GSTCD: variants seen among roughly 807,000 people sequenced by gnomAD.
GSTCD encodes the protein glutathione S-transferase C-terminal domain-containing protein.
A neutral mutation model predicts 68.3 loss-of-function variants in GSTCD; 44 were observed. The observed-to-expected ratio is 0.64, with a 90% CI of 0.51 to 0.83. The LOEUF (loss-of-function observed/expected upper bound fraction) is 0.83. Among genes scored for constraint, GSTCD ranks in the 40% least tolerant of loss-of-function variants. The pLI, the probability that GSTCD is intolerant of heterozygous loss-of-function variation, is 0.00. For synonymous variants in GSTCD, 273 were observed against 255.2 expected, an observed-to-expected ratio of 1.07 and a Z score of -0.67; for missense variants, 739 against 735.9, an observed-to-expected ratio of 1.00 and a Z score of -0.05.
intron 9 of GSTCD, 50 bp downstream of exon 9, chr4:105,834,644 G>T (rs188523484): frequency 7.2e-6 from 11 of 1,534,046 alleles, no homozygotes; most frequent in East Asian, 4.6e-5. Flanking sequence ...TATAAGCCAG[G>T]ACACAAAACT....
chr4:105,775,167 G>A (rs145040525), intron 5 of GSTCD, among the ~76,000 whole-genome samples: 42 of 152,016 alleles, frequency 2.8e-4, no homozygotes, highest in Middle Eastern at 6.8e-3. Flanking sequence ...TTTTTTATGC[G>A]TCACAAAGTT....
chr4:105,741,019 A>G (rs1482056156), intron 5 of GSTCD, among the ~76,000 whole-genome samples: 1 of 152,136 alleles, frequency 6.6e-6, no homozygotes, highest in Non-Finnish European at 1.5e-5. Context: ...TGTTTTTTAG[A>G]TAGAGAATTC....
Position 105,717,973 on chromosome 4 carries a change from C to T in GSTCD, c.360C>T (p.Asp120=). ...RHIIQKSYEA[D]PLKKELLELL... ...TAATCCAGAAATCCTATGAAGCAGA[C>T]CCCTTAAAGAAGGAACTTTTGGAAC... Residue 120 remains aspartate (D), a synonymous_variant, in exon 2 of 12, where the codon GAC becomes GAT. Coordinates refer to ENST00000515279, the MANE Select transcript of GSTCD (RefSeq NM_001370181.1). 2 of 1,613,820 alleles carry T rather than the reference C, an allele frequency of 1.2e-6. No individual in the cohort carries two copies. Among genetic ancestry groups the T allele is most frequent in the South Asian group, 2.2e-5 (2 of 91,022 alleles).
intron 5 of GSTCD, among the ~76,000 whole-genome samples, chr4:105,738,131 A>G (rs1733518058): frequency 6.6e-6 from 1 of 152,226 alleles, no homozygotes; most frequent in Non-Finnish European, 1.5e-5. Context: ...TGTGAACCAA[A>G]TAAACCTCTT....
At chr4:105,814,984 A>G (rs1410593124) in intron 5 of GSTCD, among the ~76,000 whole-genome samples, 1 of 152,190 alleles carries the variant, frequency 6.6e-6, no homozygotes, top group Admixed American at 6.5e-5. Flanking sequence ...AAGTTTAATA[A>G]CCATTCTCTA....
chr4:105,729,353 T>G (rs930148763), intron 4 of GSTCD, 53 bp from the exon 5 acceptor site: 2 of 1,141,000 alleles, frequency 1.8e-6, no homozygotes, highest in African/African-American at 3.1e-5. Flanking sequence ...TTCAATAATA[T>G]AATAAGACTA....
chr4:105,718,673 CA>C (rs1732762000), intron 2 of GSTCD, among the ~76,000 whole-genome samples: 1 of 152,132 alleles, frequency 6.6e-6, no homozygotes, highest in African/African-American at 2.4e-5. Flanking sequence ...AGTTTGGAGA[CA>C]TTTTTAGAAA....
rs560259520 is a variant in GSTCD at position 105,805,384 on chromosome 4, GCTTCC to G, written c.1241-17566_1241-17562del. Among the ~76,000 whole-genome samples, 362 of 152,156 alleles carry G rather than the reference GCTTCC, an allele frequency of 2.4e-3. 1 individual carries two copies. Among genetic ancestry groups the G allele is most frequent in the Non-Finnish European group, 4.1e-3 (282 of 67,980 alleles). ...TCTTGTTTATGAATAAAAGGATTCA[GCTTCC>G]CTTTTATTAAAACTCGAGAAGGCAC... On this transcript the variant is annotated intron_variant, in intron 5 of 11. Transcript: ENST00000515279.
At chr4:105,832,710 G>A (rs1018617016) in intron 8 of GSTCD, among the ~76,000 whole-genome samples, 1 of 152,154 alleles carries the variant, frequency 6.6e-6, no homozygotes, top group Non-Finnish European at 1.5e-5. Context: ...GATGTTGTGA[G>A]CATAGTTCTG....
intron 5 of GSTCD, among the ~76,000 whole-genome samples, chr4:105,743,653 CTTTTT>C (rs777714268): frequency 1.1e-5 from 1 of 88,848 alleles, no homozygotes; most frequent in Non-Finnish European, 2.2e-5. Flanking sequence ...ACAGGACATT[CTTTTT>C]TTTTTTTTTT....
chr4:105,797,243 A>G (rs1370182192), intron 5 of GSTCD, among the ~76,000 whole-genome samples: 11 of 150,764 alleles, frequency 7.3e-5, no homozygotes, highest in African/African-American at 2.2e-4. Context: ...CTCCTGTCCT[A>G]TTTTTTTCCC....
chr4:105,812,148 C>T (rs950862382), intron 5 of GSTCD, among the ~76,000 whole-genome samples: 1 of 152,100 alleles, frequency 6.6e-6, no homozygotes. Context: ...ATAAATGTTA[C>T]GCATCCCACC....
At chr4:105,773,872 C>T (rs555839213) in intron 5 of GSTCD, among the ~76,000 whole-genome samples, 12 of 152,150 alleles carry the variant, frequency 7.9e-5, no homozygotes, top group East Asian at 7.7e-4. Context: ...TTATTAGGTT[C>T]GCTTGGTCCA....
In GSTCD at chr4:105,847,231, A is replaced by AT. The variant is rs1724582539; in HGVS notation, c.*1655dup. On this transcript the variant is annotated 3_prime_UTR_variant, in exon 12 of 12. Transcript: ENST00000515279. Reference sequence around the variant, plus strand: ...TTTCAACCCCTGTGTAACATGTATCATGAGGAGAAAGCACTATCATTGATC... The same window carrying AT: ...TTTCAACCCCTGTGTAACATGTATCATTGAGGAGAAAGCACTATCATTGATC... 1 of 151,092 alleles carries AT rather than the reference A, an allele frequency of 6.6e-6. No individual in the cohort carries two copies. Among genetic ancestry groups the AT allele is most frequent in the Admixed American group, 6.6e-5 (1 of 15,168 alleles). 9.4% of individuals were successfully genotyped at this position (151,092 alleles called of 1,614,324 possible). A position where few individuals can be genotyped will look rare whatever the true frequency, so the allele number is the denominator to read the frequency against.
At chr4:105,765,388 G>C (rs1489187842) in intron 5 of GSTCD, among the ~76,000 whole-genome samples, 1 of 152,106 alleles carries the variant, frequency 6.6e-6, no homozygotes, top group East Asian at 1.9e-4. Flanking sequence ...GCTGTTTGTT[G>C]TTGACCACTC....
At chr4:105,743,159 C>A (rs900883721) in intron 5 of GSTCD, among the ~76,000 whole-genome samples, 1 of 151,998 alleles carries the variant, frequency 6.6e-6, no homozygotes, top group African/African-American at 2.4e-5. Flanking sequence ...ACCATGTTAG[C>A]CAGGATGGTC....
At chr4:105,786,847 G>A (rs1735486966) in intron 5 of GSTCD, among the ~76,000 whole-genome samples, 1 of 152,050 alleles carries the variant, frequency 6.6e-6, no homozygotes, top group Non-Finnish European at 1.5e-5. Flanking sequence ...AATAACAAAT[G>A]TTGGCCAGAA....
At chr4:105,798,119 A>T (rs535640858) in intron 5 of GSTCD, among the ~76,000 whole-genome samples, 1 of 152,224 alleles carries the variant, frequency 6.6e-6, no homozygotes, top group African/African-American at 2.4e-5. Context: ...TCAGGAGTAG[A>T]TTCCATCTCA....
intron 5 of GSTCD, chr4:105,746,198 TA>T (rs1733796663): frequency 6.6e-6 from 1 of 152,178 alleles, no homozygotes; most frequent in South Asian, 2.1e-4. Context: ...TTATATGTTA[TA>T]TGTATTATAA....
Sources: allele counts gnomAD v4.1 joint callset (sites outside exome capture counted in the v4.1 genomes callset), GRCh38; gene constraint gnomAD v4.1.1; transcripts MANE v1.5; gene names NCBI Gene and HGNC (gene_info 2026-07-23, HGNC 2026-07-21).